The following ANK2 variants were observed in gnomAD, a reference collection of about 807,000 sequenced individuals.
The protein encoded by ANK2 is ankyrin-2.
ANK2 carries 83 observed loss-of-function variants against 360.5 expected under a neutral mutation model. That is an observed-to-expected ratio of 0.23 (90% confidence interval 0.19 to 0.28). The LOEUF (loss-of-function observed/expected upper bound fraction) is 0.28, where lower values mean the gene tolerates loss of function less well. Ranked by LOEUF, ANK2 falls within the 10% of genes least tolerant of loss-of-function variation. The pLI, the probability that ANK2 is intolerant of heterozygous loss-of-function variation, is 1.00. For missense variants in ANK2, 4,201 were observed against 4,795.7 expected (o/e 0.88, Z 3.66); for synonymous variants, 1,740 against 1,759.5 (o/e 0.99, Z 0.28).
chr4:112,853,074 AT>A (rs111324851), intron 1 of ANK2, among the ~76,000 whole-genome samples: 169 of 146,178 alleles, frequency 1.2e-3, no homozygotes, highest in Middle Eastern at 3.5e-3. Flanking sequence ...CATCTGGCTA[AT>A]TTTTTTTTTT....
chr4:113,166,599 T>C (rs994256805), intron 1 of ANK2, among the ~76,000 whole-genome samples: 3 of 151,944 alleles, frequency 2.0e-5, no homozygotes, highest in African/African-American at 7.2e-5. Context: ...CTAGTTTTTG[T>C]TTTTTTGGTT....
intron 2 of ANK2, among the ~76,000 whole-genome samples, chr4:113,018,545 C>T (rs2057254889): frequency 6.7e-6 from 1 of 148,828 alleles, no homozygotes; most frequent in African/African-American, 2.5e-5. Context: ...TCCATTTGCA[C>T]TTTTGCCAAA....
At chr4:113,379,656 G>T (rs2154087141) in intron 45 of ANK2, among the ~76,000 whole-genome samples, 1 of 152,180 alleles carries the variant, frequency 6.6e-6, no homozygotes, top group Admixed American at 6.5e-5. Flanking sequence ...TCAATCATTG[G>T]AATCAAATTT....
At position 113,355,571 on chromosome 4, in the gene ANK2, A is replaced by G. The variant is rs956792927; in HGVS notation, c.6953A>G (p.Asp2318Gly). ...QKEATLGSPK[D>G]TSPKRQDDCT... ...GAGGCCACTCTAGGCTCTCCCAAAG[A>G]CACAAGCCCTAAAAGACAAGATGAT... Residue 2318 changes from aspartate to glycine, a missense_variant, in exon 38 of 46, where the codon GAC (aspartate) becomes GGC (glycine). Physicochemically the swap from Asp to Gly is moderately conservative, Grantham distance 94. This residue lies in a region of ANK2 where 2,642 missense variants were observed against 2,714.5 expected (regional missense o/e 0.97). Coordinates refer to ENST00000357077, the MANE Select transcript of ANK2 (RefSeq NM_001148.6). 3 of 1,614,110 alleles carry G rather than the reference A, an allele frequency of 1.9e-6. No individual in the cohort carries two copies. The highest frequency in any genetic ancestry group is 1.1e-5 in the South Asian group (1 of 91,090).
rs76202425 is a variant in ANK2, at chr4:113,032,161, C to T, written c.21+127647C>T. Among the ~76,000 whole-genome samples, 485 of 152,166 alleles carry T rather than the reference C, an allele frequency of 3.2e-3. 26 individuals carry two copies. The East Asian group carries it at 0.086, about 27-fold the overall frequency. On this transcript the variant is annotated intron_variant, in intron 2 of 30. Transcript: ENST00000503271. ...CTTACTGTACCACTCTAAGGCTGCA[C>T]ACACTGTTTGAAAAATATATGCAAC...
At chr4:113,371,108 A>G (rs1396440339) in intron 43 of ANK2, among the ~76,000 whole-genome samples, 1 of 152,208 alleles carries the variant, frequency 6.6e-6, no homozygotes, top group African/African-American at 2.4e-5. Context: ...AAAGCTTAGT[A>G]GTAAAAGAAG....
chr4:113,374,766 C>A, intron 45 of ANK2: 1 of 1,098,140 alleles, frequency 9.1e-7, no homozygotes, highest in South Asian at 2.3e-5. Context: ...ATCATTAGGT[C>A]ACTTTGTGTG....
intron 2 of ANK2, among the ~76,000 whole-genome samples, chr4:112,996,946 C>G (rs752468836): frequency 6.6e-6 from 1 of 152,084 alleles, no homozygotes; most frequent in East Asian, 1.9e-4. Flanking sequence ...TCCCTATGTC[C>G]ATGAATTTAA....
the ANK2 span, among the ~76,000 whole-genome samples, chr4:112,736,611 G>A: frequency 6.6e-6 from 1 of 152,200 alleles, no homozygotes; most frequent in Non-Finnish European, 1.5e-5. Context: ...CACAATGGCA[G>A]ATTTCAGACA....
chr4:113,190,106 C>A (rs1282795990), intron 2 of ANK2, among the ~76,000 whole-genome samples: 1 of 151,782 alleles, frequency 6.6e-6, no homozygotes, highest in African/African-American at 2.4e-5. Context: ...AGAAACCATT[C>A]TAAACCCTTT....
intron 1 of ANK2, among the ~76,000 whole-genome samples, chr4:113,090,697 A>C (rs1345838497): frequency 1.3e-5 from 2 of 152,222 alleles, no homozygotes; most frequent in Non-Finnish European, 2.9e-5. Flanking sequence ...TTTTAATCAG[A>C]AGATTTTATG....
chr4:112,999,129 A>T (rs1053328319), intron 2 of ANK2, among the ~76,000 whole-genome samples: 2 of 152,164 alleles, frequency 1.3e-5, no homozygotes, highest in Non-Finnish European at 2.9e-5. Context: ...AAAATAAAAC[A>T]TTTCTTGTCA....
intron 2 of ANK2, among the ~76,000 whole-genome samples, chr4:113,186,039 A>G (rs193247473): frequency 1.8e-3 from 273 of 152,236 alleles, no homozygotes; most frequent in Non-Finnish European, 3.3e-3. Flanking sequence ...CCAGCACAGC[A>G]CTCGAGCTCT....
At chr4:112,829,575 GA>G (rs1430268594) in intron 1 of ANK2, among the ~76,000 whole-genome samples, 1 of 149,448 alleles carries the variant, frequency 6.7e-6, no homozygotes, top group Non-Finnish European at 1.5e-5. Context: ...ACAGGCATAT[GA>G]AAAAAATTCT....
intron 2 of ANK2, among the ~76,000 whole-genome samples, chr4:112,955,685 C>G (rs1395412453): frequency 6.6e-6 from 1 of 151,894 alleles, no homozygotes; most frequent in African/African-American, 2.4e-5. Flanking sequence ...AACAAATATG[C>G]TATATGTTGT....
intron 4 of ANK2, among the ~76,000 whole-genome samples, chr4:113,228,637 G>A (rs1354553135): frequency 6.6e-6 from 1 of 151,956 alleles, no homozygotes; most frequent in African/African-American, 2.4e-5. Context: ...GAATTGTGCT[G>A]CTATAAACAC....
At chr4:113,197,494 A>G (rs967099) in intron 3 of ANK2, among the ~76,000 whole-genome samples, 94,086 of 152,100 alleles carry the variant, frequency 0.62, 29,315 homozygotes, top group African/African-American at 0.69. Context: ...CAAGCCTTGA[A>G]TGTGATAATA....
chr4:112,908,192 A>T (rs1222812377), intron 2 of ANK2, among the ~76,000 whole-genome samples: 5 of 152,204 alleles, frequency 3.3e-5, no homozygotes, highest in African/African-American at 1.2e-4. Flanking sequence ...GAACTTGCTA[A>T]CAGAGTTATA....
rs776367538 is a variant in ANK2 at position 113,318,558 on chromosome 4, C to G, written c.2838C>G (p.Arg946=). ...AGGAGGCAGAAAGGAATTCTTATCG[C>G]CTAAGCTGGGGCACTGAGAACTTAG... is the stretch of plus-strand genomic sequence containing the variant. ...LAKEAERNSY[R]LSWGTENLDN... is the part of the protein sequence containing the mutation. The change falls in exon 26 of 46, where the codon CGC becomes CGG. Residue 946 remains arginine, a synonymous_variant. Transcript: ENST00000357077. The G allele has an allele frequency of 1.2e-6, 2 of 1,613,696 alleles. No homozygotes were observed. The highest frequency in any genetic ancestry group is 2.7e-5 in the African/African-American group (2 of 74,906).
Sources: allele counts gnomAD v4.1 joint callset (sites outside exome capture counted in the v4.1 genomes callset), GRCh38; gene constraint gnomAD v4.1.1; regional missense constraint gnomAD v4.1.1; transcripts MANE v1.5; gene names NCBI Gene and HGNC (gene_info 2026-07-23, HGNC 2026-07-21).